CTNND2: variants seen among roughly 807,000 people sequenced by gnomAD.
The protein encoded by CTNND2 is catenin delta-2.
A neutral mutation model predicts 144.4 loss-of-function variants in CTNND2; 22 were observed. The ratio of observed to expected loss-of-function variants is 0.15; its 90% CI spans 0.11 to 0.22. The LOEUF is 0.22. Among genes scored for constraint, CTNND2 ranks in the 10% least tolerant of loss-of-function variants. The probability of loss-of-function intolerance (pLI) is 1.00; values close to 1 mark genes in which losing one functional copy is unlikely to be tolerated. For synonymous variants in CTNND2, 751 were observed against 695.6 expected (o/e 1.08, Z -1.25); for missense variants, 1,353 against 1,618.8 (o/e 0.84, Z 2.82).
intron 14 of CTNND2, among the ~76,000 whole-genome samples, chr5:11,108,275 G>A (rs1752617560): frequency 6.6e-6 from 1 of 152,298 alleles, no homozygotes; most frequent in Middle Eastern, 3.4e-3. Context: ...AGGAAAGAGT[G>A]CGGGCAAGAA....
intron 3 of CTNND2, among the ~76,000 whole-genome samples, chr5:11,456,578 A>C (rs1765757778): frequency 6.6e-6 from 1 of 152,060 alleles, no homozygotes; most frequent in African/African-American, 2.4e-5. Flanking sequence ...TGCCTCAAAC[A>C]TGTTCTGTTA....
intron 2 of CTNND2, among the ~76,000 whole-genome samples, chr5:11,730,527 TGATTGGTAA>T (rs1399830650): frequency 2.0e-5 from 3 of 152,242 alleles, no homozygotes; most frequent in Non-Finnish European, 4.4e-5. Context: ...GGTACTACTG[TGATTGGTAA>T]GATTGGTAAG....
At chr5:11,690,950 T>C (rs1401807377) in intron 2 of CTNND2, among the ~76,000 whole-genome samples, 2 of 152,134 alleles carry the variant, frequency 1.3e-5, no homozygotes, top group Non-Finnish European at 2.9e-5. Context: ...AGTGAAATTT[T>C]AGTTAACAAA....
At chr5:11,554,628 C>A (rs1205577639) in intron 3 of CTNND2, among the ~76,000 whole-genome samples, 1 of 152,058 alleles carries the variant, frequency 6.6e-6, no homozygotes, top group African/African-American at 2.4e-5. Context: ...CCTAGGGAAA[C>A]TGCTCAATAA....
intron 10 of CTNND2, among the ~76,000 whole-genome samples, chr5:11,205,522 T>C (rs1230730410): frequency 3.3e-5 from 5 of 152,174 alleles, no homozygotes; most frequent in Non-Finnish European, 7.4e-5. Flanking sequence ...ATACAAATTT[T>C]ATAGATCCCA....
intron 16 of CTNND2, among the ~76,000 whole-genome samples, chr5:11,047,164 C>T (rs541685507): frequency 6.6e-6 from 1 of 152,306 alleles, no homozygotes; most frequent in African/African-American, 2.4e-5. Context: ...CACACAGGCT[C>T]TTCATCTTGG....
chr5:11,173,744 A>G (rs1382886428), intron 11 of CTNND2, among the ~76,000 whole-genome samples: 1 of 152,186 alleles, frequency 6.6e-6, no homozygotes, highest in Non-Finnish European at 1.5e-5. Flanking sequence ...TCTTTTATTA[A>G]AACTTAAGAT....
chr5:11,289,892 T>C (rs1017360706), intron 9 of CTNND2, among the ~76,000 whole-genome samples: 5 of 152,164 alleles, frequency 3.3e-5, no homozygotes, highest in African/African-American at 1.2e-4. Flanking sequence ...AGGGCTCCCA[T>C]GAGCTCGGCT....
chr5:11,654,649 C>T lies in CTNND2; in HGVS notation c.174+77487G>A, dbSNP rs75883438. 5.3e-3 allele frequency among the ~76,000 whole-genome samples: 792 copies of T among 150,316 alleles called. 8 individuals are homozygous for T. Among genetic ancestry groups the T allele is most frequent in the South Asian group, 0.033 (157 of 4,772 alleles). ...TTCTTTTGGTGGCATTTTTTGGTGG[C>T]GTCTTTAGGGTTTTTTTTTTTACAT... On this transcript the variant is annotated intron_variant, in intron 2 of 21. Coordinates refer to ENST00000304623, the MANE Select transcript of CTNND2 (RefSeq NM_001332.4).
chr5:11,697,981 C>A (rs1171894937), intron 2 of CTNND2, among the ~76,000 whole-genome samples: 1 of 152,118 alleles, frequency 6.6e-6, no homozygotes, highest in Non-Finnish European at 1.5e-5. Context: ...ACAGATAGGA[C>A]CTTGCTTTTA....
intron 21 of CTNND2, among the ~76,000 whole-genome samples, chr5:10,978,761 C>G (rs1736831846): frequency 6.6e-6 from 1 of 152,254 alleles, no homozygotes; most frequent in South Asian, 2.1e-4. Flanking sequence ...CACTCTGAGA[C>G]TGAGTCAAGC....
At chr5:11,711,943 T>G (rs924735004) in intron 2 of CTNND2, among the ~76,000 whole-genome samples, 1 of 152,220 alleles carries the variant, frequency 6.6e-6, no homozygotes, top group Non-Finnish European at 1.5e-5. Flanking sequence ...TAAGTCCTCA[T>G]TGATAATTAG....
intron 11 of CTNND2, among the ~76,000 whole-genome samples, chr5:11,192,693 GA>G (rs1736418151): frequency 6.6e-6 from 1 of 152,174 alleles, no homozygotes; most frequent in Non-Finnish European, 1.5e-5. Flanking sequence ...AAAAGGCGAG[GA>G]AATGGACTGT....
At chr5:11,701,649 A>G (rs2126672010) in intron 2 of CTNND2, among the ~76,000 whole-genome samples, 1 of 152,268 alleles carries the variant, frequency 6.6e-6, no homozygotes, top group African/African-American at 2.4e-5. Context: ...AAAAGAACAT[A>G]CTTATACATA....
intron 2 of CTNND2, among the ~76,000 whole-genome samples, chr5:11,646,139 G>A (rs942445499): frequency 1.3e-5 from 2 of 151,010 alleles, no homozygotes; most frequent in East Asian, 1.9e-4. Context: ...CTCAGTCCAT[G>A]AGCCCATGGG....
intron 3 of CTNND2, among the ~76,000 whole-genome samples, chr5:11,505,278 G>T (rs1428079993): frequency 6.6e-6 from 1 of 151,756 alleles, no homozygotes; most frequent in Admixed American, 6.6e-5. Flanking sequence ...CTTTAAAGAC[G>T]CCAAAACTAG....
intron 2 of CTNND2, among the ~76,000 whole-genome samples, chr5:11,707,856 C>T (rs1785791523): frequency 6.6e-6 from 1 of 152,150 alleles, no homozygotes; most frequent in South Asian, 2.1e-4. Flanking sequence ...ACAGCTCTCA[C>T]TGTATGACTC....
At chr5:11,257,842 T>C (rs1213362525) in intron 9 of CTNND2, among the ~76,000 whole-genome samples, 1 of 152,170 alleles carries the variant, frequency 6.6e-6, no homozygotes, top group Non-Finnish European at 1.5e-5. Flanking sequence ...TCCTCACTTA[T>C]AGCTCTGCAA....
At chr5:11,403,574 G>A (rs1036787909) in intron 5 of CTNND2, among the ~76,000 whole-genome samples, 6 of 152,064 alleles carry the variant, frequency 3.9e-5, no homozygotes, top group Admixed American at 1.3e-4. Context: ...ACTTTTCATC[G>A]TTCATTCCAA....
Sources: gnomAD v4.1 joint callset for allele counts (sites outside exome capture counted in the v4.1 genomes callset) on GRCh38, gnomAD v4.1.1 for gene constraint, MANE v1.5 for transcripts, NCBI Gene and HGNC (gene_info 2026-07-23, HGNC 2026-07-21) for gene names.